The following TIAM1 variants were observed in gnomAD, a reference collection of about 807,000 sequenced individuals.
TIAM1 encodes TIAM Rac1 associated GEF 1, also known as rho guanine nucleotide exchange factor TIAM1.
TIAM1 carries 65 observed loss-of-function variants against 163.5 expected under a neutral mutation model. That is an observed-to-expected ratio of 0.40 (90% CI 0.33 to 0.49). The LOEUF (loss-of-function observed/expected upper bound fraction) is 0.49. Among genes scored for constraint, TIAM1 ranks in the 20% least tolerant of loss-of-function variants. TIAM1 has a pLI of 0.77. For synonymous variants in TIAM1, 833 were observed against 810.1 expected, an observed-to-expected ratio of 1.03 and a Z score of -0.48; for missense variants, 1,789 against 2,044.7, an observed-to-expected ratio of 0.87 and a Z score of 2.41.
At position 31,210,222 on chromosome 21, in the gene TIAM1, C is replaced by T. The variant is rs73899688; in HGVS notation, c.2218-7G>A. On this transcript the variant is annotated splice_region_variant and splice_polypyrimidine_tract_variant and intron_variant, in intron 10 of 27. Transcript: ENST00000541036. The stretch of plus-strand genomic sequence containing the variant: ...AGACCACTTCTTTCTCCCTCTATAA[C>T]AAGAAATAAAGTTAGCAGGGCAGCA... 294 of 1,613,640 alleles carry T rather than the reference C, an allele frequency of 1.8e-4. No homozygotes were observed. In the African/African-American group the frequency reaches 3.3e-3, roughly 18 times the overall value.
intron 2 of TIAM1, among the ~76,000 whole-genome samples, chr21:31,461,615 A>ATAAT (rs2045329394): frequency 2.0e-5 from 3 of 152,236 alleles, no homozygotes; most frequent in Non-Finnish European, 4.4e-5. Context: ...AAATATAAGG[A>ATAAT]TAATGTCTCA....
intron 2 of TIAM1, among the ~76,000 whole-genome samples, chr21:31,412,520 G>A (rs2077376534): frequency 6.6e-6 from 1 of 152,038 alleles, no homozygotes; most frequent in East Asian, 1.9e-4. Context: ...AGTGGCTCAC[G>A]CCTATAATCC....
In TIAM1 at chr21:31,131,209, AAT is replaced by A. The variant is rs144000587; in HGVS notation, c.3884-263_3884-262del. On this transcript the variant is annotated intron_variant, in intron 23 of 27. Transcript: ENST00000541036. Reference sequence around the variant, plus strand: ...TATGGCCCAAAAAACTTTTGCGTAAAATATGTTAGGTATGATACAATTTCAAG... The same window carrying A: ...TATGGCCCAAAAAACTTTTGCGTAAAATGTTAGGTATGATACAATTTCAAG... Among the ~76,000 whole-genome samples, 866 of 152,346 alleles carry A rather than the reference AAT, an allele frequency of 5.7e-3. 8 individuals carry two copies. Among genetic ancestry groups the A allele is most frequent in the African/African-American group, 0.02 (840 of 41,562 alleles).
At chr21:31,152,263 C>T (rs998808473) in intron 19 of TIAM1, among the ~76,000 whole-genome samples, 1 of 152,096 alleles carries the variant, frequency 6.6e-6, no homozygotes, top group African/African-American at 2.4e-5. Flanking sequence ...AAACTCCTGA[C>T]CTCAGGTGAT....
chr21:31,307,901 T>C (rs1333355553), intron 2 of TIAM1, among the ~76,000 whole-genome samples: 1 of 152,056 alleles, frequency 6.6e-6, no homozygotes, highest in African/African-American at 2.4e-5. Context: ...AATAAAAGGA[T>C]GGGGAGAAGA....
chr21:31,412,755 CT>C (rs2043242806), intron 2 of TIAM1, among the ~76,000 whole-genome samples: 1 of 144,964 alleles, frequency 6.9e-6, no homozygotes, highest in Non-Finnish European at 1.5e-5. Flanking sequence ...GCACTCCAGC[CT>C]GGGAAAGAGA....
intron 1 of TIAM1, among the ~76,000 whole-genome samples, chr21:31,540,377 C>T (rs1369824896): frequency 6.8e-6 from 1 of 147,588 alleles, no homozygotes; most frequent in Non-Finnish European, 1.5e-5. Flanking sequence ...AAGAGCAATA[C>T]TCCATCTCAA....
At chr21:31,459,013 C>T (rs1650152347) in intron 2 of TIAM1, among the ~76,000 whole-genome samples, 1 of 152,132 alleles carries the variant, frequency 6.6e-6, no homozygotes, top group African/African-American at 2.4e-5. Context: ...GGGGCCAAAT[C>T]CCTTGAGGCC....
chr21:31,450,641 G>A (rs1277626935), intron 2 of TIAM1, among the ~76,000 whole-genome samples: 2 of 152,128 alleles, frequency 1.3e-5, no homozygotes, highest in African/African-American at 4.8e-5. Context: ...AGACATACCC[G>A]AGACTGAGTA....
intron 11 of TIAM1, among the ~76,000 whole-genome samples, chr21:31,206,981 A>G (rs192949961): frequency 2.6e-5 from 4 of 151,510 alleles, no homozygotes; most frequent in African/African-American, 9.8e-5. Flanking sequence ...TTCTAAAGAT[A>G]TTTTCCCTCC....
At chr21:31,127,699 A>G (rs902356566) in intron 25 of TIAM1, among the ~76,000 whole-genome samples, 1 of 152,128 alleles carries the variant, frequency 6.6e-6, no homozygotes, top group Non-Finnish European at 1.5e-5. Flanking sequence ...TACAAGCGTG[A>G]GCCACCGCGC....
intron 4 of TIAM1, 122 bp downstream of exon 4, chr21:31,265,888 C>G: frequency 1.5e-6 from 2 of 1,353,772 alleles, no homozygotes; most frequent in Non-Finnish European, 2.0e-6. Context: ...CCAGCTGCAG[C>G]AACTACCAGG....
At chr21:31,519,998 T>C (rs547933227) in intron 1 of TIAM1, among the ~76,000 whole-genome samples, 17 of 152,188 alleles carry the variant, frequency 1.1e-4, no homozygotes, top group Admixed American at 1.0e-3. Flanking sequence ...CAACGTTACA[T>C]TGTAAATGTA....
Position 31,228,241 on chromosome 21 carries a change from A to AT in TIAM1, c.1585-2292_1585-2291insA, listed in dbSNP as rs1569068860. Among the ~76,000 whole-genome samples the AT allele has an allele frequency of 5.8e-4, 27 of 46,716 alleles. 1 individual carries two copies. In the East Asian group the frequency reaches 7.3e-3, roughly 13 times the overall value. 30.6% of individuals were successfully genotyped at this position (46,716 alleles called of 152,430 possible). A position where few individuals can be genotyped will look rare whatever the true frequency, so the allele number is the denominator to read the frequency against. ...TTTTTAAAAAAAAAAAAAAAAAAAA[A>AT]AAAAAAAAAAAAAAAAAAGGAAGGA... is the stretch of plus-strand genomic sequence containing the variant. On this transcript the variant is annotated intron_variant, in intron 6 of 27. Transcript: ENST00000541036.
chr21:31,457,113 T>A (rs1233939192), intron 2 of TIAM1, among the ~76,000 whole-genome samples: 3 of 152,220 alleles, frequency 2.0e-5, no homozygotes, highest in South Asian at 4.1e-4. Flanking sequence ...ATCATTTTTT[T>A]AGAAAATTTC....
chr21:31,548,479 C>A (rs1353590842), intron 1 of TIAM1, among the ~76,000 whole-genome samples: 2 of 144,240 alleles, frequency 1.4e-5, no homozygotes, highest in African/African-American at 5.1e-5. Context: ...CAACCTTAAC[C>A]TTTTGTTGTT....
At chr21:31,183,384 G>T (rs1356399653) in intron 14 of TIAM1, among the ~76,000 whole-genome samples, 1 of 152,128 alleles carries the variant, frequency 6.6e-6, no homozygotes, top group Non-Finnish European at 1.5e-5. Flanking sequence ...CGCACTGGAA[G>T]AACATTCCAG....
intron 2 of TIAM1, among the ~76,000 whole-genome samples, chr21:31,301,201 G>A (rs1415477105): frequency 2.6e-5 from 4 of 152,194 alleles, no homozygotes; most frequent in South Asian, 2.1e-4. Flanking sequence ...CTATCCTCAC[G>A]AGTTCTCCTG....
At chr21:31,327,508 T>C (rs1008912433) in intron 2 of TIAM1, among the ~76,000 whole-genome samples, 1 of 151,548 alleles carries the variant, frequency 6.6e-6, no homozygotes, top group African/African-American at 2.4e-5. Flanking sequence ...GGTGTGGTGA[T>C]GCACACCTGT....
Sources: gnomAD v4.1 joint callset for allele counts (sites outside exome capture counted in the v4.1 genomes callset) on GRCh38, gnomAD v4.1.1 for gene constraint, MANE v1.5 for transcripts, NCBI Gene and HGNC (gene_info 2026-07-23, HGNC 2026-07-21) for gene names.